The following HEMK2 variants were observed in gnomAD, a reference collection of about 807,000 sequenced individuals.
HEMK2 encodes HemK methyltransferase 2, ETF1 glutamine and histone H4 lysine.
At chr21:28,771,524 C>CCCCCCCCA in the HEMK2 span, among the ~76,000 whole-genome samples, 1 of 142,114 alleles carries the variant, frequency 7.0e-6, no homozygotes. Flanking sequence ...CACCACCCCC[C>CCCCCCCCA]CCCGCCAAAG....
At chr21:28,730,096 T>C in the HEMK2 span, among the ~76,000 whole-genome samples, 2 of 151,980 alleles carry the variant, frequency 1.3e-5, no homozygotes, top group Non-Finnish European at 2.9e-5. Flanking sequence ...GAACAAACAT[T>C]GCCGGGCTTG....
At chr21:28,779,792 G>C in the HEMK2 span, among the ~76,000 whole-genome samples, 8 of 152,076 alleles carry the variant, frequency 5.3e-5, no homozygotes, top group East Asian at 1.2e-3. Flanking sequence ...CAAGATGCAG[G>C]AATTTAACTC....
the HEMK2 span, among the ~76,000 whole-genome samples, chr21:28,587,322 T>G: frequency 6.6e-6 from 1 of 152,322 alleles, no homozygotes; most frequent in South Asian, 2.1e-4. Context: ...AAATTGATTT[T>G]TTATTATCTT....
At chr21:28,720,347 C>T in the HEMK2 span, among the ~76,000 whole-genome samples, 3 of 152,150 alleles carry the variant, frequency 2.0e-5, no homozygotes, top group African/African-American at 7.2e-5. Context: ...TTATAGAAGA[C>T]AATTACTATG....
the HEMK2 span, among the ~76,000 whole-genome samples, chr21:28,808,328 CT>C: frequency 6.6e-6 from 1 of 150,770 alleles, no homozygotes. Context: ...CAACTTTCTT[CT>C]TCTTTTCCAA....
the HEMK2 span, among the ~76,000 whole-genome samples, chr21:28,625,532 C>A: frequency 4.0e-4 from 61 of 152,110 alleles, no homozygotes; most frequent in African/African-American, 1.4e-3. Flanking sequence ...CCAGCCTGAC[C>A]AACATGGTGA....
chr21:28,848,458 T>A, the HEMK2 span, among the ~76,000 whole-genome samples: 1 of 152,126 alleles, frequency 6.6e-6, no homozygotes, highest in Non-Finnish European at 1.5e-5. Context: ...AATTTTCTTA[T>A]CTTACTACAT....
chr21:28,796,683 G>A, the HEMK2 span, among the ~76,000 whole-genome samples: 1 of 152,144 alleles, frequency 6.6e-6, no homozygotes, highest in Admixed American at 6.5e-5. Flanking sequence ...TCCCACCACA[G>A]CCTCCCAAGT....
At chr21:28,821,587 C>G in the HEMK2 span, among the ~76,000 whole-genome samples, 1 of 152,102 alleles carries the variant, frequency 6.6e-6, no homozygotes, top group Non-Finnish European at 1.5e-5. Flanking sequence ...AATGAAAGTT[C>G]AATGGCAGAG....
the HEMK2 span, among the ~76,000 whole-genome samples, chr21:28,581,305 A>G: frequency 1.0e-5 from 1 of 95,732 alleles, no homozygotes; most frequent in Non-Finnish European, 2.2e-5. Flanking sequence ...CTGAGACTCA[A>G]GAAAGGTACC....
chr21:28,767,215 G>C, the HEMK2 span, among the ~76,000 whole-genome samples: 2 of 151,926 alleles, frequency 1.3e-5, no homozygotes, highest in Non-Finnish European at 2.9e-5. Flanking sequence ...ATGATTGTGA[G>C]GCTTCCCCAG....
chr21:28,779,535 T>C, the HEMK2 span, among the ~76,000 whole-genome samples: 1 of 152,158 alleles, frequency 6.6e-6, no homozygotes, highest in East Asian at 1.9e-4. Flanking sequence ...GGCTTTTAGA[T>C]CTATTGAGCA....
chr21:28,845,388 G>C, the HEMK2 span, among the ~76,000 whole-genome samples: 1,084 of 151,960 alleles, frequency 7.1e-3, 8 homozygotes, highest in African/African-American at 0.025. Flanking sequence ...TTCCCCCTTT[G>C]CATATTTTCT....
At chr21:28,664,083 T>C in the HEMK2 span, among the ~76,000 whole-genome samples, 33 of 152,230 alleles carry the variant, frequency 2.2e-4, no homozygotes, top group Non-Finnish European at 5.9e-5. Context: ...ATAAAACGTG[T>C]AGACATTAAA....
chr21:28,810,283 G>A, the HEMK2 span, among the ~76,000 whole-genome samples: 7 of 152,122 alleles, frequency 4.6e-5, no homozygotes, highest in African/African-American at 1.7e-4. Flanking sequence ...GCCACTCTAG[G>A]TATTTCAACC....
At chr21:28,842,026 C>G in the HEMK2 span, among the ~76,000 whole-genome samples, 1 of 152,134 alleles carries the variant, frequency 6.6e-6, no homozygotes, top group Admixed American at 6.6e-5. Context: ...TATCTTTTCA[C>G]TACGATAAAC....
the HEMK2 span, among the ~76,000 whole-genome samples, chr21:28,824,652 AAGAG>A: frequency 2.6e-5 from 4 of 152,160 alleles, no homozygotes; most frequent in African/African-American, 4.8e-5. Flanking sequence ...GAAATAAAAA[AAGAG>A]AGAGAGAGAT....
chr21:28,716,626 G>A, the HEMK2 span, among the ~76,000 whole-genome samples: 1 of 152,010 alleles, frequency 6.6e-6, no homozygotes, highest in East Asian at 1.9e-4. Context: ...TCTTTCTCTT[G>A]CCTGATTGCT....
the HEMK2 span, among the ~76,000 whole-genome samples, chr21:28,868,553 G>A: frequency 6.6e-6 from 1 of 152,068 alleles, no homozygotes; most frequent in Non-Finnish European, 1.5e-5. Context: ...TTGTGGTGGT[G>A]CACACCTGTG....
Sources: allele counts gnomAD v4.1 joint callset (sites outside exome capture counted in the v4.1 genomes callset), GRCh38; gene constraint gnomAD v4.1.1; transcripts MANE v1.5; gene names NCBI Gene and HGNC (gene_info 2026-07-23, HGNC 2026-07-21).